Variants in CROCC observed in about 807,000 individuals in gnomAD.
CROCC encodes rootletin.
Under a neutral mutation model 245.2 loss-of-function variants are expected in CROCC, and 180 were observed. The ratio of observed to expected loss-of-function variants is 0.73; its 90% CI spans 0.65 to 0.83. The LOEUF (loss-of-function observed/expected upper bound fraction) is 0.83. Ranked by LOEUF, CROCC falls within the 40% of genes least tolerant of loss-of-function variation. CROCC has a pLI of 0.00. For synonymous variants in CROCC, 1,205 were observed against 1,241.6 expected, an observed-to-expected ratio of 0.97 and a Z score of 0.62; for missense variants, 2,688 against 2,779.4, an observed-to-expected ratio of 0.97 and a Z score of 0.74.
At chr1:16,970,101 T>C (rs1436986602) in intron 33 of CROCC, 152 bp from the exon 34 acceptor site, 1 of 1,179,394 alleles carries the variant, frequency 8.5e-7, no homozygotes, top group Non-Finnish European at 1.2e-6. Flanking sequence ...AGAAACAGAC[T>C]GAGAGAGACA....
In CROCC at chr1:16,972,828, CAG is replaced by C. The variant is rs1257503955; in HGVS notation, c.*386_*387del. 1.2e-5 allele frequency: 2 copies of C among 169,250 alleles called. No individual in the cohort carries two copies. Among genetic ancestry groups the C allele is most frequent in the Non-Finnish European group, 2.5e-5 (2 of 79,872 alleles). 10.5% of individuals were successfully genotyped at this position (169,250 alleles called of 1,614,324 possible). ...GGCCCAGGCCCTGACTTCGGCTTCC[CAG>C]AGATCTCTCCGCCTTAGTTAAGAGC... On this transcript the variant is annotated 3_prime_UTR_variant, in exon 37 of 37. Coordinates refer to ENST00000375541, the MANE Select transcript of CROCC (RefSeq NM_014675.5).
Position 16,970,260 on chromosome 1 carries a change from GGCA to G in CROCC, c.5462_5464del (p.Gln1821del). On this transcript the variant is annotated inframe_deletion, in exon 34 of 37. Coordinates refer to ENST00000375541, the MANE Select transcript of CROCC (RefSeq NM_014675.5). The stretch of plus-strand genomic sequence containing the variant: ...GCCTGGCTTCTGTTGCAGGTGCTGC[GGCA>G]GCGGCAGGAGGGTGAGGCTGCAGCC... 6.4e-7 allele frequency: 1 copy of G among 1,554,974 alleles called. No homozygotes were observed. Among genetic ancestry groups the G allele is most frequent in the South Asian group, 1.2e-5 (1 of 85,234 alleles).
intron 1 of CROCC, 85 bp downstream of exon 1, chr1:16,922,163 G>A (rs1228713031): frequency 7.5e-7 from 1 of 1,325,344 alleles, no homozygotes; most frequent in Non-Finnish European, 1.0e-6. Context: ...TGCGTCTTGG[G>A]GATCAAGGGG....
Position 16,946,908 on chromosome 1 carries a change from G to A in CROCC, c.2431G>A (p.Ala811Thr). The A allele has an allele frequency of 6.4e-7, 1 of 1,564,346 alleles. No individual in the cohort carries two copies. Among genetic ancestry groups the A allele is most frequent in the Non-Finnish European group, 8.7e-7 (1 of 1,154,962 alleles). Residue 811 changes from alanine to threonine, a missense_variant, in exon 17 of 37, where the codon GCG becomes ACG. This residue lies in a region of CROCC where 295 missense variants were observed against 241.7 expected (regional missense o/e 1.22). Transcript: ENST00000375541. The part of the protein sequence containing the change: ...RQGLEGSLRV[A>T]EQAQEALEQQ... ...GGGCCTGGAGGGCTCCCTACGAGTGGCGGAGCAGGCCCAGGAGGCATTGGA... is the reference window on the plus strand; with the variant it reads ...GGGCCTGGAGGGCTCCCTACGAGTGACGGAGCAGGCCCAGGAGGCATTGGA...
rs201628872 is a variant in CROCC, at chr1:16,966,022, T to G, written c.4599T>G (p.Ser1533Arg). ...RERDELRTQT[S>R]ALNRQLAEME... is the part of the protein sequence containing the mutation. ...AGGACGAACTTCGGACCCAGACCAG[T>G]GCCCTGAATCGCCAGCTGGCCGAGA... is the stretch of plus-strand genomic sequence containing the variant. The change falls in exon 29 of 37, where the codon AGT becomes AGG. Residue 1533 changes from serine (S) to arginine (R), a missense_variant. Ser to Arg is a moderately radical substitution (Grantham distance 110). Coordinates refer to ENST00000375541, the MANE Select transcript of CROCC (RefSeq NM_014675.5). The surrounding 1 kb of genome is among the most constrained non-coding windows in gnomAD (Gnocchi z 4.8). 5 of 1,613,774 alleles carry G rather than the reference T, an allele frequency of 3.1e-6. No homozygotes were observed. The highest frequency in any genetic ancestry group is 4.2e-6 in the Non-Finnish European group (5 of 1,179,766).
upstream of CROCC, among the ~76,000 whole-genome samples, chr1:16,919,649 G>C (rs551646293): frequency 2.4e-3 from 369 of 152,280 alleles, no homozygotes; most frequent in African/African-American, 8.2e-3. Flanking sequence ...CTAAGGGCAG[G>C]AGCCCAGACA....
Position 16,954,678 on chromosome 1 carries a change from C to T in CROCC, c.3322-56C>T. On this transcript the variant is annotated intron_variant, in intron 22 of 36. Coordinates refer to ENST00000375541, the MANE Select transcript of CROCC (RefSeq NM_014675.5). The surrounding 1 kb of genome is among the most constrained non-coding windows in gnomAD (Gnocchi z 4.4). ...GACAGTGCACTGAGCGGGTTGGGAG[C>T]AGCCCGGGGCTGGGGGACACAGCAG... The T allele has an allele frequency of 6.7e-7, 1 of 1,494,146 alleles. No homozygotes were observed. The highest frequency in any genetic ancestry group is 9.0e-7 in the Non-Finnish European group (1 of 1,116,058). The allele number at this position is 1,494,146 out of a possible 1,614,324, so 92.6% of individuals were successfully genotyped here. A position where few individuals can be genotyped will look rare whatever the true frequency, so the allele number is the denominator to read the frequency against.
intron 26 of CROCC, among the ~76,000 whole-genome samples, chr1:16,959,352 C>G (rs2076294791): frequency 6.6e-6 from 1 of 152,130 alleles, no homozygotes; most frequent in South Asian, 2.1e-4. Flanking sequence ...ACAGAGCCCT[C>G]AGAGAGGTCG....
chr1:16,960,779 C>G lies in CROCC; in HGVS notation c.4054C>G (p.Leu1352Val), dbSNP rs2076317646. 6.5e-7 allele frequency: 1 copy of G among 1,539,960 alleles called. No homozygotes were observed. The highest frequency in any genetic ancestry group is 1.9e-5 in the Admixed American group (1 of 53,486). The change falls in exon 27 of 37, where the codon CTG (leucine) becomes GTG (valine). Residue 1352 changes from leucine (L) to valine (V), a missense_variant. Leu to Val is a conservative substitution (Grantham distance 32, BLOSUM62 1). Around this residue, in one of 9 missense-constraint regions of CROCC, gnomAD observed 1,218 missense variants for 1,286.3 expected, o/e 0.95. Transcript: ENST00000375541. The part of the protein sequence containing the change: ...RQELQVAQRK[L>V]QEQEGEFRTR... ...CCAGCTCCAGGTAGCCCAGCGGAAGCTGCAGGAACAAGAAGGCGAGTTCCG... is the reference window on the plus strand; with the variant it reads ...CCAGCTCCAGGTAGCCCAGCGGAAGGTGCAGGAACAAGAAGGCGAGTTCCG...
At position 16,969,100 on chromosome 1, in the gene CROCC, G is replaced by T; in HGVS notation, c.5077-16G>T. 1 of 1,584,386 alleles carries T rather than the reference G, an allele frequency of 6.3e-7. No homozygotes were observed. The highest frequency in any genetic ancestry group is 8.6e-7 in the Non-Finnish European group (1 of 1,165,728). ...GATGGGAACAGCCCCGATTGTTCTG[G>T]CTGTCCTCCTGCCAGGTGGCCGACA... is the stretch of plus-strand genomic sequence containing the variant. On this transcript the variant is annotated splice_polypyrimidine_tract_variant and intron_variant, in intron 31 of 36. Transcript: ENST00000375541.
At chr1:16,914,474 C>G (rs2075282892) in intron 1 of CROCC, among the ~76,000 whole-genome samples, 1 of 152,278 alleles carries the variant, frequency 6.6e-6, no homozygotes, top group African/African-American at 2.4e-5. Flanking sequence ...CTCTGCCCCC[C>G]GCAGATGCCC....
chr1:16,917,125 A>G (rs1265937179), upstream of CROCC, among the ~76,000 whole-genome samples: 1 of 152,264 alleles, frequency 6.6e-6, no homozygotes, highest in African/African-American at 2.4e-5. Context: ...CTCAAAAACA[A>G]AACAAAACAA....
chr1:16,921,119 C>T (rs183714077), upstream of CROCC, among the ~76,000 whole-genome samples: 12 of 152,402 alleles, frequency 7.9e-5, no homozygotes, highest in East Asian at 2.3e-3. Flanking sequence ...CCCCCAGCAC[C>T]ATGTCATGTG....
At position 16,961,081 on chromosome 1, in the gene CROCC, A is replaced by C; in HGVS notation, c.4356A>C (p.Pro1452=). The C allele has an allele frequency of 7.3e-7, 1 of 1,362,574 alleles. No individual in the cohort carries two copies. The highest frequency in any genetic ancestry group is 9.4e-7 in the Non-Finnish European group (1 of 1,061,392). 84.4% of individuals were successfully genotyped at this position (1,362,574 alleles called of 1,614,324 possible). A position where few individuals can be genotyped will look rare whatever the true frequency, so the allele number is the denominator to read the frequency against. ...RGLGLGRAPS[P]APRPVPGSPA... is the part of the protein sequence containing the mutation. ...TCGGCCTCGGTCGCGCGCCCAGCCC[A>C]GCCCCGCGGCCAGTGCCCGGTTCCC... Residue 1452 remains proline, a synonymous_variant, in exon 27 of 37, where the codon CCA becomes CCC. Coordinates refer to ENST00000375541, the MANE Select transcript of CROCC (RefSeq NM_014675.5).
chr1:16,919,321 C>T (rs2075356110), upstream of CROCC, among the ~76,000 whole-genome samples: 1 of 152,284 alleles, frequency 6.6e-6, no homozygotes, highest in African/African-American at 2.4e-5. Context: ...TCACCACTTC[C>T]CTGAAGCATG....
At chr1:16,936,580 T>C in intron 8 of CROCC, 57 bp from the exon 9 acceptor site, 3 of 1,478,552 alleles carry the variant, frequency 2.0e-6, no homozygotes, top group Non-Finnish European at 1.8e-6. Context: ...AAGCATAGTT[T>C]TAATTTGTAG....
At position 16,938,986 on chromosome 1, in the gene CROCC, G is replaced by GCGGGGGCTCTCGCTGC; in HGVS notation, c.1464_1465insCTGCCGGGGGCTCTCG (p.Gly489LeufsTer60). On this transcript the variant is annotated frameshift_variant, in exon 12 of 37. Transcript: ENST00000375541. LOFTEE classifies it high-confidence loss of function. ...CCGCGGATGCTTCCAACGGCAGCCT[G>GCGGGGGCTCTCGCTGC]CGGGGGCTCTCGGGCCAGCGGACCC... 1.2e-6 allele frequency: 2 copies of GCGGGGGCTCTCGCTGC among 1,604,910 alleles called. No homozygotes were observed. Among genetic ancestry groups the GCGGGGGCTCTCGCTGC allele is most frequent in the Non-Finnish European group, 1.7e-6 (2 of 1,177,152 alleles).
chr1:16,972,558 G>C lies in CROCC; in HGVS notation c.*112G>C, dbSNP rs1037205625. On this transcript the variant is annotated 3_prime_UTR_variant, in exon 37 of 37. Coordinates refer to ENST00000375541, the MANE Select transcript of CROCC (RefSeq NM_014675.5). Reference sequence around the variant, plus strand: ...CCCTTGGGGGCCTCAAGCTGGGGTGGGATGAGGAGGCGCTCTGCTGGCAGT... The same window carrying C: ...CCCTTGGGGGCCTCAAGCTGGGGTGCGATGAGGAGGCGCTCTGCTGGCAGT... 5 of 678,688 alleles carry C rather than the reference G, an allele frequency of 7.4e-6. No homozygotes were observed. Among genetic ancestry groups the C allele is most frequent in the Admixed American group, 6.8e-5 (2 of 29,590 alleles). 42.0% of individuals were successfully genotyped at this position (678,688 alleles called of 1,614,324 possible). A position where few individuals can be genotyped will look rare whatever the true frequency, so the allele number is the denominator to read the frequency against.
chr1:16,945,414 C>T (rs376631723), intron 14 of CROCC, 48 bp from the exon 15 acceptor site: 155 of 1,609,780 alleles, frequency 9.6e-5, no homozygotes, highest in African/African-American at 2.5e-4. Context: ...ACAGGAGGTT[C>T]GGGGCAGGAA....
Sources: gnomAD v4.1 joint callset for allele counts (sites outside exome capture counted in the v4.1 genomes callset) on GRCh38, gnomAD v4.1.1 for gene constraint, gnomAD v4.1.1 regional missense constraint, Gnocchi (gnomAD v3.1) non-coding constraint, MANE v1.5 for transcripts, NCBI Gene and HGNC (gene_info 2026-07-23, HGNC 2026-07-21) for gene names.